Variants in ARL13B observed in about 807,000 individuals in gnomAD.
ARL13B encodes the protein ARF like GTPase 13B.
Under a neutral mutation model 56.1 loss-of-function variants are expected in ARL13B, and 36 were observed. That is an observed-to-expected ratio of 0.64 (90% confidence interval 0.49 to 0.85). ARL13B has a LOEUF of 0.85. ARL13B is among the 40% of genes least tolerant of loss of function. The pLI, the probability that ARL13B is intolerant of heterozygous loss-of-function variation, is 0.00. For missense variants in ARL13B, 519 were observed against 507.1 expected, an observed-to-expected ratio of 1.02 and a Z score of -0.23; for synonymous variants, 178 against 171.1, an observed-to-expected ratio of 1.04 and a Z score of -0.32.
chr3:94,029,825 C>G (rs2076643864), intron 3 of ARL13B, among the ~76,000 whole-genome samples: 1 of 152,070 alleles, frequency 6.6e-6, no homozygotes, highest in Non-Finnish European at 1.5e-5. Context: ...CAAAGGGGAG[C>G]ATTTTGCAAT....
intron 5 of ARL13B, among the ~76,000 whole-genome samples, chr3:94,039,302 C>T (rs1021328384): frequency 3.9e-5 from 6 of 151,948 alleles, no homozygotes; most frequent in Admixed American, 3.9e-4. Flanking sequence ...AGATCGAGAC[C>T]ATCCTGGCTA....
In ARL13B at chr3:94,043,016, A is replaced by G; in HGVS notation, c.800A>G (p.Asn267Ser). Residue 267 changes from asparagine (N) to serine (S), a missense_variant and splice_region_variant, in exon 7 of 10, where the codon AAT becomes AGT. Asn to Ser is a conservative substitution (Grantham distance 46, BLOSUM62 1). Coordinates refer to ENST00000394222, the MANE Select transcript of ARL13B (RefSeq NM_001174150.2). Reference protein sequence around the residue: ...FQPIASVIIENEGKLEREKKN... With the variant: ...FQPIASVIIESEGKLEREKKN... ...ATAATGTATTTTATTTTTTGTTAGA[A>G]TGAAGGAAAACTTGAAAGAGAGAAA... 4 of 1,603,794 alleles carry G rather than the reference A, an allele frequency of 2.5e-6. No homozygotes were observed. The highest frequency in any genetic ancestry group is 1.3e-5 in the African/African-American group (1 of 74,484).
intron 7 of ARL13B, 49 bp from the exon 8 acceptor site, chr3:94,049,357 A>G: frequency 9.1e-7 from 1 of 1,102,992 alleles, no homozygotes; most frequent in Non-Finnish European, 1.4e-6. Flanking sequence ...CTATTATAAA[A>G]GTGCACTTTT....
At chr3:93,989,539 A>G (rs1211256022) in intron 1 of ARL13B, among the ~76,000 whole-genome samples, 2 of 151,154 alleles carry the variant, frequency 1.3e-5, no homozygotes, top group Non-Finnish European at 3.0e-5. Context: ...TTTTAAGCAG[A>G]AAAATGCTAT....
chr3:94,035,292 A>G, intron 3 of ARL13B, 39 bp from the exon 4 acceptor site: 2 of 1,278,716 alleles, frequency 1.6e-6, no homozygotes, highest in African/African-American at 1.5e-5. Context: ...CCATCCAATT[A>G]TATATATGCT....
intron 8 of ARL13B, 36 bp downstream of exon 8, chr3:94,049,558 A>C: frequency 1.5e-6 from 2 of 1,335,244 alleles, no homozygotes; most frequent in Non-Finnish European, 2.1e-6. Flanking sequence ...ATTTAGAAAT[A>C]TTGCTTTAAA....
At chr3:94,032,395 A>C (rs1180416418) in intron 3 of ARL13B, among the ~76,000 whole-genome samples, 1 of 152,288 alleles carries the variant, frequency 6.6e-6, no homozygotes, top group Admixed American at 6.5e-5. Flanking sequence ...CTGAAAAGTT[A>C]AAACATAGCA....
rs2076308926 is a variant in ARL13B at position 94,015,326 on chromosome 3, A to G, written c.380+11418A>G. On this transcript the variant is annotated intron_variant, in intron 3 of 9. Coordinates refer to ENST00000394222, the MANE Select transcript of ARL13B (RefSeq NM_001174150.2). ...TGTGTTGAACAAGTAGAAATTTGGT[A>G]TTTTTCCCCAGTAGCAGTTGACTTC... is the stretch of plus-strand genomic sequence containing the variant. The G allele has an allele frequency of 3.5e-6, 5 of 1,444,590 alleles. No homozygotes were observed. The Admixed American group carries it at 7.6e-5, about 22-fold the overall frequency. The allele number at this position is 1,444,590 out of a possible 1,614,324, so 89.5% of individuals were successfully genotyped here. A position where few individuals can be genotyped will look rare whatever the true frequency, so the allele number is the denominator to read the frequency against.
At chr3:94,026,690 A>G (rs1394426927) in intron 3 of ARL13B, among the ~76,000 whole-genome samples, 1 of 152,212 alleles carries the variant, frequency 6.6e-6, no homozygotes, top group Non-Finnish European at 1.5e-5. Context: ...AGACTAGGTG[A>G]AATTGATGAA....
intron 3 of ARL13B, among the ~76,000 whole-genome samples, chr3:94,032,559 C>T (rs545130837): frequency 1.2e-4 from 19 of 152,002 alleles, no homozygotes; most frequent in Admixed American, 4.6e-4. Flanking sequence ...TGTAGTGGCG[C>T]GATCTCGGCT....
At chr3:94,019,638 G>A (rs1377744185) in intron 3 of ARL13B, among the ~76,000 whole-genome samples, 1 of 146,602 alleles carries the variant, frequency 6.8e-6, no homozygotes, top group Admixed American at 7.0e-5. Flanking sequence ...GAGTTAAAAT[G>A]TAGGTCAGAC....
intron 1 of ARL13B, among the ~76,000 whole-genome samples, chr3:93,992,273 G>T (rs1272785324): frequency 1.3e-5 from 2 of 152,056 alleles, no homozygotes; most frequent in Admixed American, 1.3e-4. Flanking sequence ...TTCATGAAAA[G>T]GTGGATCAGG....
chr3:94,043,541 CCCT>C (rs1463260431), intron 7 of ARL13B, among the ~76,000 whole-genome samples: 8 of 2,230 alleles, frequency 3.6e-3, no homozygotes, highest in Non-Finnish European at 7.4e-3. Flanking sequence ...ATAGCCCTCC[CCCT>C]CCTCCCCCTC....
chr3:93,995,007 C>G (rs1320075819), intron 1 of ARL13B, among the ~76,000 whole-genome samples: 8 of 152,290 alleles, frequency 5.3e-5, no homozygotes, highest in African/African-American at 1.9e-4. Flanking sequence ...CTGTGGCCTT[C>G]TTTTTCTATG....
intron 1 of ARL13B, among the ~76,000 whole-genome samples, chr3:93,984,573 G>T (rs575616788): frequency 6.6e-6 from 1 of 152,064 alleles, no homozygotes; most frequent in African/African-American, 2.4e-5. Context: ...GAAGGCACAC[G>T]TGTAACTTTC....
chr3:94,053,093 C>G (rs1308298246), intron 9 of ARL13B, 94 bp from the exon 10 acceptor site: 1 of 1,001,874 alleles, frequency 1.0e-6, no homozygotes, highest in Non-Finnish European at 1.5e-6. Flanking sequence ...TTGGAAATGT[C>G]TAAAATGTCT....
chr3:94,007,337 A>G (rs1428939255), intron 3 of ARL13B, among the ~76,000 whole-genome samples: 1 of 152,192 alleles, frequency 6.6e-6, no homozygotes, highest in Non-Finnish European at 1.5e-5. Flanking sequence ...GGTTGTGACA[A>G]TCTTTAGTTC....
chr3:94,002,620 T>C (rs2076072639), intron 2 of ARL13B, among the ~76,000 whole-genome samples: 1 of 152,182 alleles, frequency 6.6e-6, no homozygotes, highest in African/African-American at 2.4e-5. Context: ...CATTAATCTT[T>C]CATGAGTTCT....
intron 1 of ARL13B, among the ~76,000 whole-genome samples, chr3:93,986,769 G>T (rs1158271386): frequency 2.6e-5 from 4 of 152,122 alleles, no homozygotes; most frequent in Non-Finnish European, 1.5e-5. Flanking sequence ...AGGAGTTCGA[G>T]ATGAGCCTGG....
Sources: allele counts gnomAD v4.1 joint callset (sites outside exome capture counted in the v4.1 genomes callset), GRCh38; gene constraint gnomAD v4.1.1; transcripts MANE v1.5; gene names NCBI Gene and HGNC (gene_info 2026-07-23, HGNC 2026-07-21).